The following CABLES1 variants were observed in gnomAD, a reference collection of about 807,000 sequenced individuals.
CABLES1 encodes the protein CDK5 and ABL1 enzyme substrate 1.
CABLES1 carries 36 observed loss-of-function variants against 57.8 expected under a neutral mutation model. The ratio of observed to expected loss-of-function variants is 0.62; its 90% confidence interval spans 0.48 to 0.82. The LOEUF is 0.82. CABLES1 is among the 40% of genes least tolerant of loss of function. The probability of loss-of-function intolerance (pLI) is 0.00; values close to 1 mark genes in which losing one functional copy is unlikely to be tolerated. For missense variants in CABLES1, 767 were observed against 836.6 expected, an observed-to-expected ratio of 0.92 and a Z score of 1.03; for synonymous variants, 374 against 363.0, an observed-to-expected ratio of 1.03 and a Z score of -0.35.
chr18:23,205,735 A>C (rs1319632764), intron 3 of CABLES1, among the ~76,000 whole-genome samples: 2 of 152,162 alleles, frequency 1.3e-5, no homozygotes, highest in Non-Finnish European at 2.9e-5. Flanking sequence ...GCTCACATCT[A>C]TAGTCCCAGC....
At chr18:23,248,394 AAG>A (rs759340690) in intron 7 of CABLES1, among the ~76,000 whole-genome samples, 2 of 151,988 alleles carry the variant, frequency 1.3e-5, no homozygotes, top group Non-Finnish European at 2.9e-5. Context: ...TTTAAGAAGA[AAG>A]AGGAGCCGGT....
intron 3 of CABLES1, among the ~76,000 whole-genome samples, chr18:23,202,872 A>C (rs969075456): frequency 6.6e-6 from 1 of 151,860 alleles, no homozygotes; most frequent in Non-Finnish European, 1.5e-5. Flanking sequence ...CTGTAGTCCC[A>C]GTTACTCGGG....
intron 1 of CABLES1, among the ~76,000 whole-genome samples, chr18:23,138,436 T>TAGGATGA (rs1456959840): frequency 6.6e-6 from 1 of 152,240 alleles, no homozygotes; most frequent in Non-Finnish European, 1.5e-5. Flanking sequence ...TATTTCTGAA[T>TAGGATGA]AATCCGTATC....
At chr18:23,142,134 C>T (rs2046861924) in intron 1 of CABLES1, among the ~76,000 whole-genome samples, 1 of 152,122 alleles carries the variant, frequency 6.6e-6, no homozygotes, top group Non-Finnish European at 1.5e-5. Context: ...CATGTTTAGC[C>T]TGGGGACGTG....
chr18:23,251,022 T>C (rs1163730704), intron 7 of CABLES1, among the ~76,000 whole-genome samples: 1 of 152,168 alleles, frequency 6.6e-6, no homozygotes, highest in East Asian at 1.9e-4. Context: ...AATGGAGGTG[T>C]CCAGAGAAAG....
chr18:23,154,785 C>A (rs1349729652), intron 1 of CABLES1, among the ~76,000 whole-genome samples: 1 of 152,210 alleles, frequency 6.6e-6, no homozygotes, highest in East Asian at 1.9e-4. Context: ...CCTTTTGACA[C>A]GTGTGACATT....
chr18:23,173,438 T>C (rs1004169546), intron 1 of CABLES1, among the ~76,000 whole-genome samples: 31 of 152,206 alleles, frequency 2.0e-4, no homozygotes, highest in African/African-American at 7.5e-4. Context: ...TAAAAGGAAA[T>C]TGAACCAGAT....
intron 1 of CABLES1, among the ~76,000 whole-genome samples, chr18:23,139,762 T>G (rs2046846022): frequency 6.6e-6 from 1 of 152,204 alleles, no homozygotes; most frequent in Non-Finnish European, 1.5e-5. Flanking sequence ...TATGATAATC[T>G]AACTTAGTTG....
intron 3 of CABLES1, among the ~76,000 whole-genome samples, chr18:23,202,737 A>G (rs1234808862): frequency 1.3e-5 from 2 of 151,946 alleles, no homozygotes; most frequent in Non-Finnish European, 2.9e-5. Context: ...CTGTAATCCC[A>G]GCACTTTGGG....
intron 4 of CABLES1, among the ~76,000 whole-genome samples, chr18:23,224,409 C>T (rs1484651480): frequency 6.6e-6 from 1 of 152,032 alleles, no homozygotes; most frequent in African/African-American, 2.4e-5. Context: ...AATGAACTAG[C>T]CTTACTGACC....
chr18:23,180,914 A>G (rs1047328445), intron 1 of CABLES1, among the ~76,000 whole-genome samples: 1 of 152,192 alleles, frequency 6.6e-6, no homozygotes, highest in African/African-American at 2.4e-5. Flanking sequence ...TGTAACAAAA[A>G]AGGGATTTTC....
intron 4 of CABLES1, among the ~76,000 whole-genome samples, chr18:23,224,418 C>T (rs993054471): frequency 6.6e-6 from 1 of 152,100 alleles, no homozygotes; most frequent in African/African-American, 2.4e-5. Context: ...GCCTTACTGA[C>T]CCCAGCTTCA....
rs747051389 is a variant in CABLES1 at position 23,214,037 on chromosome 18, C to T, written c.1071C>T (p.Arg357=). Reference sequence around the variant, plus strand: ...GTATATTTTCAGTGCTGCCGTATCGCGACAGTACCCAAGTCGGGTATGTAT... The same window carrying T: ...GTATATTTTCAGTGCTGCCGTATCGTGACAGTACCCAAGTCGGGTATGTAT... ...FCSIFSVLPY[R]DSTQVGDLKL... Residue 357 remains arginine (R), a synonymous_variant, in exon 4 of 10, where the codon CGC becomes CGT. Coordinates refer to ENST00000256925, the MANE Select transcript of CABLES1 (RefSeq NM_001100619.3). 3.7e-5 allele frequency: 59 copies of T among 1,612,174 alleles called. No individual in the cohort carries two copies. The Middle Eastern group carries it at 4.9e-4, about 13-fold the overall frequency.
At chr18:23,189,194 A>G (rs925824396) in intron 2 of CABLES1, 23 of 361,962 alleles carry the variant, frequency 6.4e-5, no homozygotes, top group South Asian at 5.5e-4. Flanking sequence ...TTAATGGAAC[A>G]AGAGCCCAGC....
chr18:23,171,884 T>C (rs911310428), intron 1 of CABLES1, among the ~76,000 whole-genome samples: 2 of 152,220 alleles, frequency 1.3e-5, no homozygotes, highest in Non-Finnish European at 2.9e-5. Context: ...TTAACCTTTC[T>C]GAGCTACCAT....
intron 1 of CABLES1, among the ~76,000 whole-genome samples, chr18:23,155,563 T>G (rs746949820): frequency 3.3e-5 from 5 of 152,208 alleles, no homozygotes; most frequent in Non-Finnish European, 5.9e-5. Context: ...TTATTAGCAT[T>G]GGCATCTCCC....
intron 4 of CABLES1, among the ~76,000 whole-genome samples, chr18:23,229,005 C>T (rs1395862748): frequency 6.6e-6 from 1 of 152,208 alleles, no homozygotes; most frequent in Non-Finnish European, 1.5e-5. Context: ...TAACCGTGTT[C>T]ACCTCTGAGT....
chr18:23,192,625 G>A (rs929043653), intron 2 of CABLES1, among the ~76,000 whole-genome samples: 22 of 152,214 alleles, frequency 1.4e-4, no homozygotes, highest in African/African-American at 5.3e-4. Flanking sequence ...CTGCTCCTGG[G>A]AAAGGAAGCC....
chr18:23,175,741 A>G (rs192868850), intron 1 of CABLES1, among the ~76,000 whole-genome samples: 1 of 152,320 alleles, frequency 6.6e-6, no homozygotes, highest in Non-Finnish European at 1.5e-5. Context: ...AGCCACTGCT[A>G]CTGGTCCCCT....
Sources: gnomAD v4.1 joint callset for allele counts (sites outside exome capture counted in the v4.1 genomes callset) on GRCh38, gnomAD v4.1.1 for gene constraint, MANE v1.5 for transcripts, NCBI Gene and HGNC (gene_info 2026-07-23, HGNC 2026-07-21) for gene names.